ABCB4: variants seen among roughly 807,000 people sequenced by gnomAD.
ABCB4 encodes phosphatidylcholine translocator ABCB4.
Under a neutral mutation model 145.7 loss-of-function variants are expected in ABCB4, and 76 were observed. The ratio of observed to expected loss-of-function variants is 0.52; its 90% CI spans 0.43 to 0.63. ABCB4 has a LOEUF of 0.63. Ranked by LOEUF, ABCB4 falls within the 30% of genes least tolerant of loss-of-function variation. The pLI is 0.00. For missense variants in ABCB4, 1,234 were observed against 1,553.1 expected, an observed-to-expected ratio of 0.79 and a Z score of 3.45; for synonymous variants, 517 against 566.8, an observed-to-expected ratio of 0.91 and a Z score of 1.25.
intron 8 of ABCB4, 37 bp downstream of exon 8, chr7:87,449,931 A>T: frequency 1.2e-6 from 2 of 1,614,038 alleles, no homozygotes; most frequent in Non-Finnish European, 1.7e-6. Context: ...ATGTAAAAAC[A>T]CATTCCTTAA....
chr7:87,465,663 C>A (rs1812830104), intron 3 of ABCB4, among the ~76,000 whole-genome samples: 1 of 152,220 alleles, frequency 6.6e-6, no homozygotes, highest in African/African-American at 2.4e-5. Flanking sequence ...TAGGGGCAGA[C>A]TGACACCTCA....
At chr7:87,368,775 A>G in the ABCB4 span, among the ~76,000 whole-genome samples, 2 of 152,230 alleles carry the variant, frequency 1.3e-5, no homozygotes, top group Non-Finnish European at 2.9e-5. Flanking sequence ...TTATATCAGA[A>G]TAGTCTGAGG....
intron 14 of ABCB4, among the ~76,000 whole-genome samples, chr7:87,433,129 T>G (rs2116623354): frequency 6.6e-6 from 1 of 152,286 alleles, no homozygotes; most frequent in Non-Finnish European, 1.5e-5. Flanking sequence ...AAAAGGTGAA[T>G]TATACAATAA....
chr7:87,403,356 A>G, intron 26 of ABCB4, 75 bp from the exon 27 acceptor site: 4 of 1,362,206 alleles, frequency 2.9e-6, no homozygotes, highest in Non-Finnish European at 4.2e-6. Context: ...TACAAGAAAA[A>G]CATTTAGAGT....
rs1333727077 is a variant in ABCB4 at position 87,418,533 on chromosome 7, C to G, written c.2478+4G>C. ...AAACTACAAGTAGAGTGCAGTCTAC[C>G]TACTCCTTGGACTTGGGCAGCATCT... On this transcript the variant is annotated splice_donor_region_variant and intron_variant, in intron 20 of 27. Transcript: ENST00000649586. 3.1e-6 allele frequency: 5 copies of G among 1,613,852 alleles called. No individual in the cohort carries two copies. Among genetic ancestry groups the G allele is most frequent in the Non-Finnish European group, 4.2e-6 (5 of 1,179,772 alleles).
At position 87,417,446 on chromosome 7, in the gene ABCB4, A is replaced by G. The variant is rs1809061302; in HGVS notation, c.2548T>C (p.Phe850Leu). 1.2e-6 allele frequency: 2 copies of G among 1,614,092 alleles called. No individual in the cohort carries two copies. The highest frequency in any genetic ancestry group is 1.7e-6 in the Non-Finnish European group (2 of 1,180,040). The change falls in exon 21 of 28, where the codon TTT becomes CTT. Residue 850 changes from phenylalanine to leucine, a missense_variant. This residue lies in a region of ABCB4 where 321 missense variants were observed against 332.6 expected (regional missense o/e 0.97). Coordinates refer to ENST00000649586, the MANE Select transcript of ABCB4 (RefSeq NM_000443.4). ...ANLGTGIIIS[F>L]IYGWQLTLLL... ...AGGGTTAACTGCCAACCGTAGATAA[A>G]TGATATGATAATACCAGTTCCAAGG...
chr7:87,423,806 G>T (rs1809615658), intron 17 of ABCB4, 100 bp downstream of exon 17: 3 of 1,480,878 alleles, frequency 2.0e-6, no homozygotes, highest in African/African-American at 2.8e-5. Flanking sequence ...TTAATTTAAG[G>T]CTGCTTAATC....
At chr7:87,399,252 A>C (rs1445302081), downstream of ABCB4, 1 of 152,808 alleles carries the variant, frequency 6.5e-6, no homozygotes, top group African/African-American at 2.4e-5. Flanking sequence ...AGGTAGGAGG[A>C]TTGCTTGAAG....
intron 3 of ABCB4, among the ~76,000 whole-genome samples, chr7:87,466,836 G>C (rs1032679260): frequency 5.3e-5 from 8 of 151,646 alleles, no homozygotes; most frequent in African/African-American, 1.7e-4. Flanking sequence ...ATACTTTACA[G>C]ACAAGCAAAT....
At position 87,406,503 on chromosome 7, in the gene ABCB4, C is replaced by T. The variant is rs200617059; in HGVS notation, c.3280-9G>A. 3.1e-6 allele frequency: 5 copies of T among 1,612,716 alleles called. No homozygotes were observed. The stretch of plus-strand genomic sequence containing the variant: ...TCTTGACCATCGAGAAGCTGAAAAC[C>T]AAAGTCCACAAACTATAAGAAGGGT... On this transcript the variant is annotated splice_polypyrimidine_tract_variant and intron_variant, in intron 25 of 27. Coordinates refer to ENST00000649586, the MANE Select transcript of ABCB4 (RefSeq NM_000443.4).
chr7:87,417,443 T>C lies in ABCB4; in HGVS notation c.2551A>G (p.Ile851Val). ...AATAGGGTTAACTGCCAACCGTAGA[T>C]AAATGATATGATAATACCAGTTCCA... is the stretch of plus-strand genomic sequence containing the variant. ...NLGTGIIISF[I>V]YGWQLTLLLL... The change falls in exon 21 of 28, where the codon ATC becomes GTC. Residue 851 changes from isoleucine to valine, a missense_variant. Transcript: ENST00000649586. 6.2e-7 allele frequency: 1 copy of C among 1,614,170 alleles called. No individual in the cohort carries two copies.
chr7:87,372,226 A>G, the ABCB4 span, among the ~76,000 whole-genome samples: 1 of 152,302 alleles, frequency 6.6e-6, no homozygotes, highest in East Asian at 1.9e-4. Flanking sequence ...TTATTTATAT[A>G]GTCTCTACAT....
At chr7:87,413,183 T>C (rs1411914024) in intron 22 of ABCB4, among the ~76,000 whole-genome samples, 2 of 152,198 alleles carry the variant, frequency 1.3e-5, no homozygotes, top group Non-Finnish European at 2.9e-5. Context: ...TCAGAGTAGG[T>C]TGGATCTGGT....
chr7:87,426,615 A>AT, intron 16 of ABCB4, 135 bp downstream of exon 16: 1 of 855,286 alleles, frequency 1.2e-6, no homozygotes, highest in South Asian at 1.7e-5. Context: ...AAATTTGAAA[A>AT]TTTTTTTCTT....
At chr7:87,460,792 C>T (rs578052980) in intron 4 of ABCB4, among the ~76,000 whole-genome samples, 6 of 151,788 alleles carry the variant, frequency 4.0e-5, no homozygotes, top group African/African-American at 7.2e-5. Context: ...CTGGTGATTT[C>T]GTATTTTTTA....
At chr7:87,414,685 T>A (rs199792698) in intron 21 of ABCB4, among the ~76,000 whole-genome samples, 1 of 152,158 alleles carries the variant, frequency 6.6e-6, no homozygotes, top group East Asian at 1.9e-4. Flanking sequence ...CTTTTTTTTT[T>A]ACCTCAGTTC....
chr7:87,392,697 T>C, the ABCB4 span: 3 of 1,611,212 alleles, frequency 1.9e-6, no homozygotes, highest in African/African-American at 1.3e-5. Context: ...TGAAAAATTT[T>C]TTTCTAACCT....
At chr7:87,443,527 A>G in intron 11 of ABCB4, 83 bp from the exon 12 acceptor site, 1 of 1,590,930 alleles carries the variant, frequency 6.3e-7, no homozygotes, top group Non-Finnish European at 8.6e-7. Context: ...GAAATTTGAA[A>G]AAAAAGTATC....
At chr7:87,369,483 A>T in the ABCB4 span, 4 of 1,604,476 alleles carry the variant, frequency 2.5e-6, no homozygotes, top group Admixed American at 1.7e-5. Flanking sequence ...AGAGCTTCTC[A>T]GGTTTTCAGA....
Sources: allele counts gnomAD v4.1 joint callset (sites outside exome capture counted in the v4.1 genomes callset), GRCh38; gene constraint gnomAD v4.1.1; regional missense constraint gnomAD v4.1.1; transcripts MANE v1.5; gene names NCBI Gene and HGNC (gene_info 2026-07-23, HGNC 2026-07-21).